IQCM: variants seen among roughly 807,000 people sequenced by gnomAD.
The protein encoded by IQCM is IQ domain-containing protein M.
A neutral mutation model predicts 57.6 loss-of-function variants in IQCM; 45 were observed. That is an observed-to-expected ratio of 0.78 (90% CI 0.62 to 1.00). The LOEUF (loss-of-function observed/expected upper bound fraction) is 1.00. IQCM is among the 50% of genes least tolerant of loss of function. IQCM has a pLI of 0.00. For synonymous variants in IQCM, 148 were observed against 158.9 expected, an observed-to-expected ratio of 0.93 and a Z score of 0.51; for missense variants, 468 against 511.6, an observed-to-expected ratio of 0.91 and a Z score of 0.82.
chr4:149,576,189 T>G (rs1751631431), intron 9 of IQCM, among the ~76,000 whole-genome samples: 1 of 151,810 alleles, frequency 6.6e-6, no homozygotes, highest in African/African-American at 2.4e-5. Flanking sequence ...CGTGCAGGAT[T>G]TTTTATGGGT....
At chr4:149,663,862 A>G (rs537748484) in intron 7 of IQCM, among the ~76,000 whole-genome samples, 1 of 152,214 alleles carries the variant, frequency 6.6e-6, no homozygotes, top group South Asian at 2.1e-4. Context: ...GATCTTGATG[A>G]TCATGTCTTT....
At chr4:149,652,264 C>A (rs894168008) in intron 7 of IQCM, among the ~76,000 whole-genome samples, 1 of 151,684 alleles carries the variant, frequency 6.6e-6, no homozygotes, top group African/African-American at 2.4e-5. Flanking sequence ...CATGGACACA[C>A]GGAGGGAAAC....
intron 12 of IQCM, among the ~76,000 whole-genome samples, chr4:149,528,795 TGACA>T (rs772444910): frequency 2.7e-4 from 41 of 152,132 alleles, no homozygotes; most frequent in Non-Finnish European, 5.1e-4. Context: ...TCAGTTAACT[TGACA>T]GACAGTGTAC....
At chr4:149,635,323 G>A (rs927687709) in intron 7 of IQCM, among the ~76,000 whole-genome samples, 2 of 152,180 alleles carry the variant, frequency 1.3e-5, no homozygotes, top group African/African-American at 2.4e-5. Flanking sequence ...CAAAGCATCA[G>A]AAATGTGTTT....
chr4:149,593,359 G>A (rs1753408511), intron 8 of IQCM, among the ~76,000 whole-genome samples: 1 of 152,110 alleles, frequency 6.6e-6, no homozygotes, highest in Non-Finnish European at 1.5e-5. Flanking sequence ...ATTTTGGGCT[G>A]AGATGATGGG....
chr4:149,782,342 A>C (rs1335037565), intron 2 of IQCM, among the ~76,000 whole-genome samples: 1 of 152,210 alleles, frequency 6.6e-6, no homozygotes, highest in Non-Finnish European at 1.5e-5. Context: ...GATTTTTCCC[A>C]AAATATTTTT....
At chr4:149,798,846 G>C (rs977589174) in intron 2 of IQCM, among the ~76,000 whole-genome samples, 1 of 152,030 alleles carries the variant, frequency 6.6e-6, no homozygotes, top group Admixed American at 6.6e-5. Flanking sequence ...AATATTATTG[G>C]AGCTGGAGAG....
rs10020101 is a variant in IQCM, at chr4:149,385,707, C to T, written c.1391-33641G>A. Among the ~76,000 whole-genome samples the T allele has an allele frequency of 6.6e-5, 10 of 152,160 alleles. No homozygotes were observed. In the East Asian group the frequency reaches 1.9e-3, roughly 30 times the overall value. On this transcript the variant is annotated intron_variant, in intron 13 of 13. Coordinates refer to ENST00000636793, the MANE Select transcript of IQCM (RefSeq NM_001363507.2). ...TCTCAAGTCAGAAATCTAATCTTGACTCCTCCATTATTAAACCACTGCCAA... is the reference window on the plus strand; with the variant it reads ...TCTCAAGTCAGAAATCTAATCTTGATTCCTCCATTATTAAACCACTGCCAA...
intron 12 of IQCM, among the ~76,000 whole-genome samples, chr4:149,506,335 C>T (rs1258299069): frequency 6.6e-6 from 1 of 152,168 alleles, no homozygotes; most frequent in Non-Finnish European, 1.5e-5. Flanking sequence ...TATTATATAT[C>T]CCTACAAGAA....
intron 9 of IQCM, among the ~76,000 whole-genome samples, chr4:149,575,746 T>A (rs1561010429): frequency 6.6e-6 from 1 of 151,896 alleles, no homozygotes; most frequent in Non-Finnish European, 1.5e-5. Context: ...GGTAGGATAC[T>A]TTTTACCACC....
chr4:149,540,439 T>A (rs1206616412), intron 12 of IQCM, among the ~76,000 whole-genome samples: 1 of 151,714 alleles, frequency 6.6e-6, no homozygotes, highest in Non-Finnish European at 1.5e-5. Flanking sequence ...TTACAAGAAA[T>A]TTTTGGAAAT....
chr4:149,558,849 C>T (rs1749844085), intron 10 of IQCM, among the ~76,000 whole-genome samples: 1 of 152,146 alleles, frequency 6.6e-6, no homozygotes, highest in Non-Finnish European at 1.5e-5. Context: ...CAATTCCCTT[C>T]TGAATTTTGG....
chr4:149,437,974 C>A (rs1223029650), intron 12 of IQCM, among the ~76,000 whole-genome samples: 2 of 151,996 alleles, frequency 1.3e-5, no homozygotes, highest in Non-Finnish European at 2.9e-5. Context: ...CCAGCCCAGA[C>A]ACAATACTTT....
At position 149,442,925 on chromosome 4, in the gene IQCM, TAC is replaced by T. The variant is rs373865453; in HGVS notation, c.1229-9370_1229-9369del. Among the ~76,000 whole-genome samples the T allele has an allele frequency of 9.8e-3, 1,306 of 133,172 alleles. 12 individuals are homozygous for T. Among genetic ancestry groups the T allele is most frequent in the South Asian group, 0.018 (66 of 3,718 alleles). 87.4% of individuals were successfully genotyped at this position (133,172 alleles called of 152,430 possible). A position where few individuals can be genotyped will look rare whatever the true frequency, so the allele number is the denominator to read the frequency against. On this transcript the variant is annotated intron_variant, in intron 12 of 13. Coordinates refer to ENST00000636793, the MANE Select transcript of IQCM (RefSeq NM_001363507.2). ...GAAGAACTAGCAGGCTATCTCTCAA[TAC>T]ACACACACACACACACACACACACA... is the stretch of plus-strand genomic sequence containing the variant.
intron 5 of IQCM, among the ~76,000 whole-genome samples, chr4:149,696,901 G>A (rs1763381224): frequency 6.6e-6 from 1 of 152,144 alleles, no homozygotes; most frequent in African/African-American, 2.4e-5. Flanking sequence ...CTCAAATTTA[G>A]TGAAGCAAGA....
In IQCM at chr4:149,563,724, C is replaced by G. The variant is rs1050510927; in HGVS notation, c.916G>C (p.Glu306Gln). ...VMQAHVRGWL[E>Q]RKRLQRVMTK... ...ATTACTCTTTGCAATCTTTTCCGTT[C>G]AAGCCATCCCCTGACATGTGCCTGC... Residue 306 changes from glutamate to glutamine, a missense_variant, in exon 10 of 14, where the codon GAA becomes CAA. Transcript: ENST00000636793. 1.6e-6 allele frequency: 2 copies of G among 1,231,874 alleles called. No homozygotes were observed. The highest frequency in any genetic ancestry group is 4.1e-5 in the South Asian group (1 of 24,314). 76.3% of individuals were successfully genotyped at this position (1,231,874 alleles called of 1,614,324 possible).
intron 5 of IQCM, among the ~76,000 whole-genome samples, chr4:149,709,577 T>C (rs913974827): frequency 2.6e-5 from 4 of 152,096 alleles, no homozygotes; most frequent in Non-Finnish European, 5.9e-5. Flanking sequence ...CTTAACAACA[T>C]AGGAAATGGA....
intron 13 of IQCM, among the ~76,000 whole-genome samples, chr4:149,397,257 T>C (rs1732293166): frequency 6.6e-6 from 1 of 151,970 alleles, no homozygotes; most frequent in Non-Finnish European, 1.5e-5. Flanking sequence ...AGTGAGGTGA[T>C]CTTTCACTGT....
Position 149,736,672 on chromosome 4 carries a change from G to A in IQCM, c.38-1214C>T, listed in dbSNP as rs73857726. On this transcript the variant is annotated intron_variant, in intron 3 of 13. Coordinates refer to ENST00000636793, the MANE Select transcript of IQCM (RefSeq NM_001363507.2). ...TACACTCACCAAAACGGCTAAAATT[G>A]AAAAGACTGATAACACCAAGTGTTG... Among the ~76,000 whole-genome samples, 1,365 of 152,236 alleles carry A rather than the reference G, an allele frequency of 9.0e-3. 10 individuals are homozygous for A. The highest frequency in any genetic ancestry group is 0.03 in the African/African-American group (1,265 of 41,546).
Sources: gnomAD v4.1 joint callset for allele counts (sites outside exome capture counted in the v4.1 genomes callset) on GRCh38, gnomAD v4.1.1 for gene constraint, MANE v1.5 for transcripts, NCBI Gene and HGNC (gene_info 2026-07-23, HGNC 2026-07-21) for gene names.